The following GRM8 variants were observed in gnomAD, a reference collection of about 807,000 sequenced individuals.
GRM8 encodes the protein glutamate metabotropic receptor 8.
GRM8 carries 47 observed loss-of-function variants against 87.2 expected under a neutral mutation model. That is an observed-to-expected ratio of 0.54 (90% CI 0.43 to 0.69). The LOEUF is 0.69. GRM8 is among the 30% of genes least tolerant of loss of function. The pLI is 0.00. For synonymous variants in GRM8, 396 were observed against 404.5 expected, an observed-to-expected ratio of 0.98 and a Z score of 0.25; for missense variants, 1,019 against 1,139.2, an observed-to-expected ratio of 0.89 and a Z score of 1.52.
At chr7:126,956,418 G>A (rs898424964) in intron 3 of GRM8, among the ~76,000 whole-genome samples, 1 of 152,180 alleles carries the variant, frequency 6.6e-6, no homozygotes, top group Non-Finnish European at 1.5e-5. Flanking sequence ...ACAGCATTAT[G>A]AATAAGAATA....
chr7:126,642,617 G>A (rs1802526384), intron 7 of GRM8, among the ~76,000 whole-genome samples: 1 of 150,236 alleles, frequency 6.7e-6, no homozygotes. Context: ...TCCAGCCTGG[G>A]TGACAGAGCG....
At chr7:126,801,427 T>C (rs1717262592) in intron 6 of GRM8, among the ~76,000 whole-genome samples, 1 of 68,396 alleles carries the variant, frequency 1.5e-5, no homozygotes. Flanking sequence ...AAGGTTGTTG[T>C]TGATATATTG....
chr7:127,065,043 C>T (rs1221722311), intron 3 of GRM8, among the ~76,000 whole-genome samples: 2 of 152,184 alleles, frequency 1.3e-5, no homozygotes, highest in African/African-American at 4.8e-5. Flanking sequence ...ATAAATCATT[C>T]TACTATAAAG....
chr7:127,050,961 TTCTC>T (rs75625865), intron 3 of GRM8, among the ~76,000 whole-genome samples: 12,164 of 152,258 alleles, frequency 0.08, 527 homozygotes, highest in South Asian at 0.13. Context: ...CTCTCCATCT[TTCTC>T]TCACACAAAA....
chr7:126,913,263 A>G (rs1183460253), intron 3 of GRM8, among the ~76,000 whole-genome samples: 1 of 152,190 alleles, frequency 6.6e-6, no homozygotes, highest in Non-Finnish European at 1.5e-5. Context: ...TTGGTTCACA[A>G]TTTCCATCAA....
intron 3 of GRM8, among the ~76,000 whole-genome samples, chr7:126,976,790 T>C (rs534751954): frequency 6.6e-6 from 1 of 152,306 alleles, no homozygotes; most frequent in South Asian, 2.1e-4. Context: ...GTCACACTGG[T>C]CATAGAGAGT....
At chr7:126,920,967 A>G (rs1586462072) in intron 3 of GRM8, among the ~76,000 whole-genome samples, 3 of 152,090 alleles carry the variant, frequency 2.0e-5, no homozygotes, top group African/African-American at 7.2e-5. Context: ...CTCGAGCTAA[A>G]GTAAAGCCCA....
At chr7:127,148,223 T>C (rs1828655007) in intron 2 of GRM8, among the ~76,000 whole-genome samples, 1 of 151,860 alleles carries the variant, frequency 6.6e-6, no homozygotes, top group Non-Finnish European at 1.5e-5. Flanking sequence ...ATCCACCAAT[T>C]AGAAAGCAAC....
At chr7:126,448,952 G>T (rs1186206103) in intron 9 of GRM8, among the ~76,000 whole-genome samples, 1 of 151,674 alleles carries the variant, frequency 6.6e-6, no homozygotes, top group Non-Finnish European at 1.5e-5. Context: ...TTAATACATG[G>T]GTGATAAAAA....
At chr7:127,165,149 T>G (rs1363432673) in intron 2 of GRM8, among the ~76,000 whole-genome samples, 4 of 27,742 alleles carry the variant, frequency 1.4e-4, no homozygotes, top group African/African-American at 5.2e-4. Flanking sequence ...CAGATATATA[T>G]ATATATATAT....
intron 3 of GRM8, among the ~76,000 whole-genome samples, chr7:126,990,377 C>T (rs1235166809): frequency 2.6e-5 from 4 of 151,422 alleles, no homozygotes; most frequent in Non-Finnish European, 5.9e-5. Context: ...TGTCACTTCT[C>T]CCTTCATCAT....
chr7:126,789,777 C>G (rs1821074372), intron 6 of GRM8, among the ~76,000 whole-genome samples: 1 of 152,138 alleles, frequency 6.6e-6, no homozygotes, highest in Admixed American at 6.6e-5. Context: ...TTTTGCTACT[C>G]CATCCATTTA....
At chr7:126,805,690 G>T (rs1792604203) in intron 6 of GRM8, among the ~76,000 whole-genome samples, 1 of 152,150 alleles carries the variant, frequency 6.6e-6, no homozygotes, top group Admixed American at 6.5e-5. Flanking sequence ...TGTTTATTCT[G>T]TTTGGTACCC....
intron 9 of GRM8, among the ~76,000 whole-genome samples, chr7:126,471,991 C>T (rs1689453717): frequency 1.3e-5 from 2 of 151,596 alleles, no homozygotes; most frequent in Non-Finnish European, 1.5e-5. Flanking sequence ...GGCTCTCTGT[C>T]TGTTATTGGT....
chr7:126,788,393 G>C (rs1238121973), intron 6 of GRM8, among the ~76,000 whole-genome samples: 1 of 824 alleles, frequency 1.2e-3, no homozygotes, highest in African/African-American at 3.1e-3. Context: ...CTGGGTATCA[G>C]AGCAAGACTC....
At chr7:126,755,081 A>G (rs1170605593) in intron 7 of GRM8, among the ~76,000 whole-genome samples, 2 of 152,060 alleles carry the variant, frequency 1.3e-5, no homozygotes, top group East Asian at 3.8e-4. Flanking sequence ...CTGATGAAGC[A>G]CATAACCCGT....
chr7:126,946,330 C>T (rs1807536035), intron 3 of GRM8, among the ~76,000 whole-genome samples: 1 of 152,108 alleles, frequency 6.6e-6, no homozygotes, highest in African/African-American at 2.4e-5. Flanking sequence ...AGTGAGACCC[C>T]CCCATCTCTA....
intron 7 of GRM8, among the ~76,000 whole-genome samples, chr7:126,662,935 G>A (rs1327776835): frequency 6.6e-6 from 1 of 152,192 alleles, no homozygotes; most frequent in Non-Finnish European, 1.5e-5. Context: ...CAGGCACGAA[G>A]CTGGACAGAC....
At chr7:126,798,103 A>G in intron 6 of GRM8, among the ~76,000 whole-genome samples, 1 of 152,034 alleles carries the variant, frequency 6.6e-6, no homozygotes, top group African/African-American at 2.4e-5. Flanking sequence ...CCATATTTAC[A>G]CGTTGCCAAG....
Sources: gnomAD v4.1 joint callset for allele counts (sites outside exome capture counted in the v4.1 genomes callset) on GRCh38, gnomAD v4.1.1 for gene constraint, MANE v1.5 for transcripts, NCBI Gene and HGNC (gene_info 2026-07-23, HGNC 2026-07-21) for gene names.